The following SLAIN2 variants were observed in gnomAD, a reference collection of about 807,000 sequenced individuals.
SLAIN2 encodes SLAIN motif-containing protein 2.
A neutral mutation model predicts 56.6 loss-of-function variants in SLAIN2; 31 were observed. The ratio of observed to expected loss-of-function variants is 0.55; its 90% CI spans 0.41 to 0.74. The LOEUF (loss-of-function observed/expected upper bound fraction) is 0.74. Ranked by LOEUF, SLAIN2 falls within the 30% of genes least tolerant of loss-of-function variation. The pLI is 0.00. For missense variants in SLAIN2, 777 were observed against 754.2 expected, an observed-to-expected ratio of 1.03 and a Z score of -0.35; for synonymous variants, 317 against 284.9, an observed-to-expected ratio of 1.11 and a Z score of -1.13.
intron 6 of SLAIN2, among the ~76,000 whole-genome samples, chr4:48,398,962 T>G (rs1318774013): frequency 1.3e-5 from 2 of 152,226 alleles, no homozygotes; most frequent in Non-Finnish European, 2.9e-5. Flanking sequence ...TGCTTAGGAT[T>G]GTCTTGGCTA....
At chr4:48,418,867 T>A (rs1717069277) in intron 6 of SLAIN2, among the ~76,000 whole-genome samples, 1 of 152,220 alleles carries the variant, frequency 6.6e-6, no homozygotes, top group South Asian at 2.1e-4. Context: ...TGTGTGTGTA[T>A]GTACACACGG....
intron 2 of SLAIN2, 98 bp from the exon 3 acceptor site, chr4:48,377,798 G>T: frequency 3.6e-6 from 4 of 1,110,548 alleles, no homozygotes; most frequent in East Asian, 2.5e-5. Flanking sequence ...CATTTAAATT[G>T]AGATAATGAT....
At chr4:48,367,908 T>C (rs556779544) in intron 1 of SLAIN2, among the ~76,000 whole-genome samples, 41 of 152,186 alleles carry the variant, frequency 2.7e-4, no homozygotes, top group Middle Eastern at 3.4e-3. Flanking sequence ...TATATCACCC[T>C]AAAAAGAAAC....
intron 3 of SLAIN2, 107 bp from the exon 4 acceptor site, chr4:48,379,583 C>T: frequency 1.0e-6 from 1 of 988,422 alleles, no homozygotes; most frequent in Non-Finnish European, 1.3e-6. Flanking sequence ...AAAGGCAGAA[C>T]AAGAATGAAT....
chr4:48,365,018 A>G (rs1343424343), intron 1 of SLAIN2, among the ~76,000 whole-genome samples: 1 of 151,922 alleles, frequency 6.6e-6, no homozygotes, highest in African/African-American at 2.4e-5. Flanking sequence ...AATCTGTTTT[A>G]TCTATTTTAT....
chr4:48,365,444 CAAAA>C (rs34317951), intron 1 of SLAIN2, among the ~76,000 whole-genome samples: 7 of 56,992 alleles, frequency 1.2e-4, no homozygotes, highest in Non-Finnish European at 2.0e-4. Flanking sequence ...GACTCCATCT[CAAAA>C]AAAAAAAAAA....
intron 1 of SLAIN2, among the ~76,000 whole-genome samples, chr4:48,353,758 T>C (rs1715080094): frequency 6.6e-6 from 1 of 151,868 alleles, no homozygotes; most frequent in African/African-American, 2.4e-5. Flanking sequence ...GTAGATAGAT[T>C]GGAAATATGA....
chr4:48,359,893 C>G (rs1222670012), intron 1 of SLAIN2, among the ~76,000 whole-genome samples: 1 of 152,132 alleles, frequency 6.6e-6, no homozygotes, highest in Non-Finnish European at 1.5e-5. Context: ...CGGTGGCTTA[C>G]GCCTGTAATC....
At chr4:48,405,130 A>T (rs1409213208) in intron 6 of SLAIN2, among the ~76,000 whole-genome samples, 1 of 152,236 alleles carries the variant, frequency 6.6e-6, no homozygotes, top group South Asian at 2.1e-4. Context: ...TAAATAAAAC[A>T]CGAAATCAGA....
At chr4:48,384,707 A>G (rs573832839) in intron 6 of SLAIN2, among the ~76,000 whole-genome samples, 11 of 152,326 alleles carry the variant, frequency 7.2e-5, no homozygotes, top group African/African-American at 2.4e-4. Context: ...TTTGTATTCA[A>G]CTATTATTTG....
Position 48,342,214 on chromosome 4 carries a change from C to T in SLAIN2, c.389+86C>T, listed in dbSNP as rs1233321950. 8.3e-6 allele frequency: 11 copies of T among 1,318,340 alleles called. No individual in the cohort carries two copies. The East Asian group carries it at 3.1e-4, about 38-fold the overall frequency. The allele number at this position is 1,318,340 out of a possible 1,614,324, so 81.7% of individuals were successfully genotyped here. ...TCTGAGGGTCCCTCTGGTCGGGCGC[C>T]TCGCTTTGTGTAGCCGGGTCCGCTC... On this transcript the variant is annotated intron_variant, in intron 1 of 7. Coordinates refer to ENST00000264313, the MANE Select transcript of SLAIN2 (RefSeq NM_020846.2).
At chr4:48,366,346 A>T (rs902529061) in intron 1 of SLAIN2, among the ~76,000 whole-genome samples, 3 of 152,172 alleles carry the variant, frequency 2.0e-5, no homozygotes, top group African/African-American at 7.2e-5. Flanking sequence ...ATGTTGCTGA[A>T]GTCTTCTGTA....
chr4:48,356,601 G>A (rs1577710741), intron 1 of SLAIN2, among the ~76,000 whole-genome samples: 2 of 152,274 alleles, frequency 1.3e-5, no homozygotes, highest in East Asian at 3.9e-4. Flanking sequence ...CTCTCAAAAA[G>A]AAGCAACTCA....
At position 48,377,885 on chromosome 4, in the gene SLAIN2, C is replaced by T; in HGVS notation, c.539-11C>T. 1.9e-6 allele frequency: 3 copies of T among 1,609,554 alleles called. No homozygotes were observed. Among genetic ancestry groups the T allele is most frequent in the Non-Finnish European group, 2.5e-6 (3 of 1,178,534 alleles). On this transcript the variant is annotated splice_polypyrimidine_tract_variant and intron_variant, in intron 2 of 7. Transcript: ENST00000264313. ...TTGTTAAATTTGATTTTCCCCTTCT[C>T]ATTAATGCAGCTCTCAAGAGGCAGA...
At chr4:48,380,527 C>T (rs549494127) in intron 4 of SLAIN2, among the ~76,000 whole-genome samples, 12 of 152,208 alleles carry the variant, frequency 7.9e-5, no homozygotes, top group Non-Finnish European at 7.4e-5. Flanking sequence ...CTTTTTAGGC[C>T]ACAGATACCT....
At chr4:48,407,365 G>C (rs186712139) in intron 6 of SLAIN2, among the ~76,000 whole-genome samples, 1 of 151,768 alleles carries the variant, frequency 6.6e-6, no homozygotes, top group South Asian at 2.1e-4. Flanking sequence ...CTATTCTTTC[G>C]TATCTTGTAG....
At chr4:48,397,010 C>G (rs1716411287) in intron 6 of SLAIN2, among the ~76,000 whole-genome samples, 1 of 151,972 alleles carries the variant, frequency 6.6e-6, no homozygotes, top group South Asian at 2.1e-4. Flanking sequence ...TCAGCCTATC[C>G]CACTCTGAAG....
At chr4:48,379,637 A>C in intron 3 of SLAIN2, 53 bp from the exon 4 acceptor site, 1 of 1,315,528 alleles carries the variant, frequency 7.6e-7, no homozygotes, top group African/African-American at 1.5e-5. Flanking sequence ...GTAGGCATTT[A>C]TTCAATAGTT....
Position 48,377,919 on chromosome 4 carries a change from A to G in SLAIN2, c.562A>G (p.Asn188Asp), listed in dbSNP as rs1376183275. ...AGCTCTCAAGAGGCAGAATTTATATAATAATCCTTTCAACTCTATGAGTTA... is the reference window on the plus strand; with the variant it reads ...AGCTCTCAAGAGGCAGAATTTATATGATAATCCTTTCAACTCTATGAGTTA... ...MSALKRQNLYNNPFNSMSYTS... is the reference protein window; with the variant it reads ...MSALKRQNLYDNPFNSMSYTS... The change falls in exon 3 of 8, where the codon AAT becomes GAT. Residue 188 changes from asparagine (N) to aspartate (D), a missense_variant. Physicochemically the swap from Asn to Asp is conservative, Grantham distance 23. Transcript: ENST00000264313. 1.2e-6 allele frequency: 2 copies of G among 1,613,742 alleles called. No homozygotes were observed. The highest frequency in any genetic ancestry group is 1.7e-5 in the Admixed American group (1 of 59,936).
Sources: gnomAD v4.1 joint callset for allele counts (sites outside exome capture counted in the v4.1 genomes callset) on GRCh38, gnomAD v4.1.1 for gene constraint, MANE v1.5 for transcripts, NCBI Gene and HGNC (gene_info 2026-07-23, HGNC 2026-07-21) for gene names.